Variants in PIK3C2B observed in about 807,000 individuals in gnomAD.
PIK3C2B encodes the protein phosphatidylinositol-4-phosphate 3-kinase catalytic subunit type 2 beta, also known as phosphatidylinositol 4-phosphate 3-kinase C2 domain-containing subunit beta.
PIK3C2B carries 83 observed loss-of-function variants against 184.3 expected under a neutral mutation model. That is an observed-to-expected ratio of 0.45 (90% CI 0.38 to 0.54). The LOEUF (loss-of-function observed/expected upper bound fraction) is 0.54. PIK3C2B is among the 20% of genes least tolerant of loss of function. The probability of loss-of-function intolerance (pLI) is 0.00; values close to 1 mark genes in which losing one functional copy is unlikely to be tolerated. For missense variants in PIK3C2B, 1,736 were observed against 2,113.5 expected (o/e 0.82, Z 3.50); for synonymous variants, 779 against 837.6 (o/e 0.93, Z 1.21).
chr1:204,480,948 A>C (rs1657086061), intron 1 of PIK3C2B, among the ~76,000 whole-genome samples: 1 of 152,122 alleles, frequency 6.6e-6, no homozygotes, highest in Non-Finnish European at 1.5e-5. Flanking sequence ...GGATATCTTC[A>C]GTTAATGCTA....
intron 8 of PIK3C2B, among the ~76,000 whole-genome samples, chr1:204,459,613 T>A (rs1339136955): frequency 1.3e-5 from 2 of 152,172 alleles, no homozygotes; most frequent in African/African-American, 2.4e-5. Context: ...TCTGGAGACA[T>A]CCTATTCCAG....
intron 8 of PIK3C2B, among the ~76,000 whole-genome samples, chr1:204,458,889 T>A (rs1655092062): frequency 6.6e-6 from 1 of 152,136 alleles, no homozygotes; most frequent in Non-Finnish European, 1.5e-5. Context: ...TTCCCCCGCA[T>A]CACTGGAAAT....
At chr1:204,489,259 C>A (rs1657843934) in intron 1 of PIK3C2B, among the ~76,000 whole-genome samples, 1 of 152,120 alleles carries the variant, frequency 6.6e-6, no homozygotes, top group Admixed American at 6.6e-5. Context: ...CCTCAAACTC[C>A]TGGGCTCAAA....
chr1:204,450,452 C>T (rs1012440805), intron 12 of PIK3C2B, among the ~76,000 whole-genome samples: 6 of 152,098 alleles, frequency 3.9e-5, no homozygotes, highest in South Asian at 2.1e-4. Flanking sequence ...ATCCCTCCCC[C>T]ACTTCTTGCT....
chr1:204,438,321 C>A lies in PIK3C2B; in HGVS notation c.3516+614G>T, dbSNP rs144309153. ...TGTGATGCTGGGAACAGGCCACGGA[C>A]CCTAGCAGGCTACCAGGGCCCTACC... On this transcript the variant is annotated intron_variant, in intron 23 of 32. Coordinates refer to ENST00000684373, the MANE Select transcript of PIK3C2B (RefSeq NM_001377334.1). Among the ~76,000 whole-genome samples, 241 of 152,278 alleles carry A rather than the reference C, an allele frequency of 1.6e-3. 1 individual carries two copies. Among genetic ancestry groups the A allele is most frequent in the African/African-American group, 5.3e-3 (221 of 41,552 alleles).
chr1:204,474,628 C>T (rs1656575476), intron 1 of PIK3C2B, among the ~76,000 whole-genome samples: 1 of 152,110 alleles, frequency 6.6e-6, no homozygotes, highest in Non-Finnish European at 1.5e-5. Flanking sequence ...TTTGTCCACC[C>T]CTGAAATGTT....
Position 204,456,901 on chromosome 1 carries a change from CACACACCCACACACACACACACA to C in PIK3C2B, c.1747+113_1747+135del, listed in dbSNP as rs1654901437. On this transcript the variant is annotated intron_variant, in intron 10 of 32. Transcript: ENST00000684373. ...ACACACACACACACACACACACACACACACACCCACACACACACACACACCAGCCGAACTCCGACACATAAATC... is the reference window on the plus strand; with the variant it reads ...ACACACACACACACACACACACACACCCAGCCGAACTCCGACACATAAATC... The C allele has an allele frequency of 1.9e-4, 42 of 221,992 alleles. 1 individual carries two copies. Among genetic ancestry groups the C allele is most frequent in the Middle Eastern group, 1.5e-3 (1 of 664 alleles). 13.8% of individuals were successfully genotyped at this position (221,992 alleles called of 1,614,324 possible).
chr1:204,467,019 G>A, intron 2 of PIK3C2B: 1 of 474,050 alleles, frequency 2.1e-6, no homozygotes, highest in Non-Finnish European at 4.3e-6. Flanking sequence ...AGCTGAGCCG[G>A]GGAGGACCAA....
intron 1 of PIK3C2B, among the ~76,000 whole-genome samples, chr1:204,491,327 T>G (rs1032025604): frequency 1.3e-5 from 2 of 151,668 alleles, no homozygotes; most frequent in Middle Eastern, 3.2e-3. Flanking sequence ...AGACGGAGGT[T>G]GCAGGGAGCT....
chr1:204,491,571 T>C (rs1572414708), intron 1 of PIK3C2B, among the ~76,000 whole-genome samples: 3 of 152,124 alleles, frequency 2.0e-5, no homozygotes, highest in South Asian at 4.2e-4. Context: ...TGCATGCCTA[T>C]AGTCCAAGCT....
intron 2 of PIK3C2B, chr1:204,466,810 C>T: frequency 1.9e-6 from 1 of 528,692 alleles, no homozygotes; most frequent in Non-Finnish European, 3.9e-6. Flanking sequence ...TCACCCGATG[C>T]TGGCTGGGGG....
intron 1 of PIK3C2B, among the ~76,000 whole-genome samples, chr1:204,482,047 C>A (rs1398939565): frequency 6.6e-6 from 1 of 150,844 alleles, no homozygotes; most frequent in African/African-American, 2.5e-5. Context: ...AGCACCCAAC[C>A]CAACAGGCCC....
chr1:204,453,259 T>C (rs987157497), intron 12 of PIK3C2B, among the ~76,000 whole-genome samples: 3 of 152,082 alleles, frequency 2.0e-5, no homozygotes, highest in Non-Finnish European at 4.4e-5. Context: ...AGGTAGAGCA[T>C]AGCACAGATG....
At chr1:204,454,597 G>A in intron 12 of PIK3C2B, 72 bp downstream of exon 12, 1 of 1,533,082 alleles carries the variant, frequency 6.5e-7, no homozygotes, top group Non-Finnish European at 8.9e-7. Context: ...TAGTTATCTG[G>A]CCCCAGGGAT....
At chr1:204,434,702 G>T in intron 23 of PIK3C2B, 94 bp from the exon 24 acceptor site, 1 of 964,202 alleles carries the variant, frequency 1.0e-6, no homozygotes. Context: ...GCCAGCCCTG[G>T]CCTCTCTCTC....
chr1:204,480,125 G>A (rs547766791), intron 1 of PIK3C2B, among the ~76,000 whole-genome samples: 3 of 152,378 alleles, frequency 2.0e-5, no homozygotes, highest in East Asian at 1.9e-4. Flanking sequence ...GAGGATGTAC[G>A]TCGGGGTAAC....
chr1:204,441,912 T>A (rs1675684722), intron 20 of PIK3C2B, among the ~76,000 whole-genome samples: 1 of 152,088 alleles, frequency 6.6e-6, no homozygotes, highest in Non-Finnish European at 1.5e-5. Context: ...AGTACCAACA[T>A]CCTAAGAGTT....
chr1:204,430,282 G>C (rs1674971262), intron 28 of PIK3C2B, among the ~76,000 whole-genome samples: 1 of 152,060 alleles, frequency 6.6e-6, no homozygotes, highest in Non-Finnish European at 1.5e-5. Context: ...CCAAACAGCA[G>C]GCCAGAGTCC....
chr1:204,483,634 C>T (rs146823732), intron 1 of PIK3C2B, among the ~76,000 whole-genome samples: 59 of 152,226 alleles, frequency 3.9e-4, no homozygotes, highest in African/African-American at 1.0e-3. Context: ...GTGACTTTAG[C>T]GAGGGGGAGG....
Sources: allele counts gnomAD v4.1 joint callset (sites outside exome capture counted in the v4.1 genomes callset), GRCh38; gene constraint gnomAD v4.1.1; transcripts MANE v1.5; gene names NCBI Gene and HGNC (gene_info 2026-07-23, HGNC 2026-07-21).